GRIK2: variants seen among roughly 807,000 people sequenced by gnomAD.
The protein encoded by GRIK2 is glutamate ionotropic receptor kainate type subunit 2, also known as glutamate receptor ionotropic, kainate 2.
Under a neutral mutation model 100.3 loss-of-function variants are expected in GRIK2, and 32 were observed. The observed-to-expected ratio is 0.32, with a 90% CI of 0.24 to 0.43. The LOEUF (loss-of-function observed/expected upper bound fraction) is 0.43. GRIK2 is among the 20% of genes least tolerant of loss of function. The pLI, the probability that GRIK2 is intolerant of heterozygous loss-of-function variation, is 1.00. For missense variants in GRIK2, 843 were observed against 1,114.9 expected (o/e 0.76, Z 3.47); for synonymous variants, 417 against 389.4 (o/e 1.07, Z -0.83).
chr6:102,034,349 G>A (rs1770152866), intron 14 of GRIK2, among the ~76,000 whole-genome samples: 1 of 151,268 alleles, frequency 6.6e-6, no homozygotes, highest in African/African-American at 2.4e-5. Flanking sequence ...AGAAATAAAA[G>A]CACACTTAAA....
intron 2 of GRIK2, among the ~76,000 whole-genome samples, chr6:101,556,337 T>TTTTTTTTTTTTTTTTTTTG (rs1776745655): frequency 1.3e-5 from 1 of 78,824 alleles, no homozygotes; most frequent in Non-Finnish European, 2.5e-5. Context: ...TTTTTTTTTT[T>TTTTTTTTTTTTTTTTTTTG]TTTTTTTTTT....
At chr6:101,798,685 T>G (rs1780474095) in intron 7 of GRIK2, among the ~76,000 whole-genome samples, 1 of 151,904 alleles carries the variant, frequency 6.6e-6, no homozygotes, top group South Asian at 2.1e-4. Flanking sequence ...ATATATGCTT[T>G]TATTCTAAAG....
At chr6:101,972,226 T>A (rs1582644086) in intron 14 of GRIK2, among the ~76,000 whole-genome samples, 1 of 152,054 alleles carries the variant, frequency 6.6e-6, no homozygotes, top group Admixed American at 6.6e-5. Flanking sequence ...ACGAACAGTG[T>A]ATAAGCATTC....
At chr6:101,878,322 T>G (rs1039700894) in intron 11 of GRIK2, among the ~76,000 whole-genome samples, 2 of 125,766 alleles carry the variant, frequency 1.6e-5, no homozygotes, top group African/African-American at 5.7e-5. Context: ...AATCTAGGGA[T>G]GGAGCCTTCA....
At chr6:102,035,216 C>A (rs1770205308) in intron 14 of GRIK2, 125 bp from the exon 15 acceptor site, 7 of 278,568 alleles carry the variant, frequency 2.5e-5, no homozygotes, top group Non-Finnish European at 2.6e-5. Flanking sequence ...TATATATATT[C>A]CTTAAAAATT....
At chr6:101,706,316 A>G (rs1399008291) in intron 7 of GRIK2, among the ~76,000 whole-genome samples, 1 of 151,978 alleles carries the variant, frequency 6.6e-6, no homozygotes, top group Non-Finnish European at 1.5e-5. Flanking sequence ...GTGCCATCAC[A>G]GTCTAAAAAT....
chr6:101,938,450 A>G (rs1433038275), intron 14 of GRIK2, among the ~76,000 whole-genome samples: 1 of 152,148 alleles, frequency 6.6e-6, no homozygotes, highest in African/African-American at 2.4e-5. Context: ...AATATAATAA[A>G]TTCCTCAAAA....
chr6:101,619,477 C>A (rs1025476821), intron 2 of GRIK2, among the ~76,000 whole-genome samples: 1 of 151,720 alleles, frequency 6.6e-6, no homozygotes, highest in African/African-American at 2.4e-5. Context: ...AATTCAGTAT[C>A]ATCAAATATT....
At chr6:101,398,690 CCATA>C in intron 1 of GRIK2, 1 of 239,642 alleles carries the variant, frequency 4.2e-6, no homozygotes, top group Non-Finnish European at 7.9e-6. Context: ...AATGTTCTCC[CCATA>C]AATAAATCCT....
chr6:101,556,803 C>A (rs974008113), intron 2 of GRIK2, among the ~76,000 whole-genome samples: 1 of 152,046 alleles, frequency 6.6e-6, no homozygotes, highest in African/African-American at 2.4e-5. Context: ...TCAAACAGGT[C>A]GGTTTAATGC....
rs114225848 is a variant in GRIK2 at position 101,462,719 on chromosome 6, G to A, written c.115+63327G>A. Among the ~76,000 whole-genome samples the A allele has an allele frequency of 5.6e-3, 854 of 152,192 alleles. 9 individuals are homozygous for A. Among genetic ancestry groups the A allele is most frequent in the African/African-American group, 0.019 (804 of 41,500 alleles). On this transcript the variant is annotated intron_variant, in intron 2 of 16. Coordinates refer to ENST00000369134, the MANE Select transcript of GRIK2 (RefSeq NM_021956.5). Reference sequence around the variant, plus strand: ...AACTGCGAATGAAGAAATGAGAGATGGTGTGCAGAAAAGCAGGGCTGCTGT... The same window carrying A: ...AACTGCGAATGAAGAAATGAGAGATAGTGTGCAGAAAAGCAGGGCTGCTGT...
intron 2 of GRIK2, among the ~76,000 whole-genome samples, chr6:101,621,734 G>A (rs1220745117): frequency 2.6e-5 from 4 of 151,906 alleles, no homozygotes; most frequent in Non-Finnish European, 5.9e-5. Context: ...GTATGGCTGT[G>A]GCTAAAAGAG....
intron 2 of GRIK2, among the ~76,000 whole-genome samples, chr6:101,437,185 A>G (rs906002859): frequency 1.3e-5 from 2 of 152,088 alleles, no homozygotes; most frequent in African/African-American, 2.4e-5. Flanking sequence ...ACAATAGACC[A>G]CATGGCTGAC....
chr6:102,023,909 A>G (rs532057595), intron 14 of GRIK2, among the ~76,000 whole-genome samples: 36 of 151,494 alleles, frequency 2.4e-4, no homozygotes, highest in Admixed American at 2.0e-3. Flanking sequence ...AAAAAAGGAG[A>G]AAAATCTAAT....
chr6:101,869,077 T>C (rs1233224890), intron 11 of GRIK2, among the ~76,000 whole-genome samples: 1 of 151,900 alleles, frequency 6.6e-6, no homozygotes, highest in Non-Finnish European at 1.5e-5. Flanking sequence ...CAGATGCTTT[T>C]TCAAATACAC....
chr6:101,679,159 A>T (rs1371691488), intron 5 of GRIK2, among the ~76,000 whole-genome samples: 3 of 152,222 alleles, frequency 2.0e-5, no homozygotes, highest in Non-Finnish European at 4.4e-5. Context: ...TGTGAAATAA[A>T]AACTTTTAGC....
intron 2 of GRIK2, among the ~76,000 whole-genome samples, chr6:101,581,056 T>C (rs1384442439): frequency 1.3e-5 from 2 of 151,964 alleles, no homozygotes; most frequent in African/African-American, 4.8e-5. Context: ...GTAGGGATTT[T>C]TGCCTTTTTT....
At chr6:101,727,642 T>C (rs1034810760) in intron 7 of GRIK2, among the ~76,000 whole-genome samples, 3 of 152,128 alleles carry the variant, frequency 2.0e-5, no homozygotes, top group Non-Finnish European at 2.9e-5. Context: ...ATGGAGTTAT[T>C]TGAAAGTTTA....
At chr6:101,849,860 A>AC (rs1784033122) in intron 10 of GRIK2, among the ~76,000 whole-genome samples, 1 of 12,642 alleles carries the variant, frequency 7.9e-5, no homozygotes, top group Admixed American at 8.5e-4. Flanking sequence ...ATGTTCATTA[A>AC]GGAAAAAAAA....
Sources: allele counts gnomAD v4.1 joint callset (sites outside exome capture counted in the v4.1 genomes callset), GRCh38; gene constraint gnomAD v4.1.1; transcripts MANE v1.5; gene names NCBI Gene and HGNC (gene_info 2026-07-23, HGNC 2026-07-21).